HACL1: variants seen among roughly 807,000 people sequenced by gnomAD.
HACL1 encodes 2-hydroxyacyl-CoA lyase 1.
A neutral mutation model predicts 74.2 loss-of-function variants in HACL1; 64 were observed. The ratio of observed to expected loss-of-function variants is 0.86; its 90% confidence interval spans 0.70 to 1.06. The LOEUF (loss-of-function observed/expected upper bound fraction) is 1.06, where lower values mean the gene tolerates loss of function less well. Among genes scored for constraint, HACL1 ranks in the 50% least tolerant of loss-of-function variants. HACL1 has a pLI of 0.00. For synonymous variants in HACL1, 230 were observed against 238.8 expected (o/e 0.96, Z 0.34); for missense variants, 728 against 719.7 (o/e 1.01, Z -0.13).
chr3:15,594,763 T>A (rs1434320686), intron 3 of HACL1, among the ~76,000 whole-genome samples: 1 of 152,244 alleles, frequency 6.6e-6, no homozygotes, highest in African/African-American at 2.4e-5. Context: ...TGTAAACAAG[T>A]CATACGGCTC....
At chr3:15,569,716 A>T (rs796711359) in intron 12 of HACL1, among the ~76,000 whole-genome samples, 1 of 151,978 alleles carries the variant, frequency 6.6e-6, no homozygotes, top group East Asian at 1.9e-4. Context: ...GCTACTCGGG[A>T]TGCTGAGGCA....
intron 10 of HACL1, 48 bp from the exon 11 acceptor site, chr3:15,573,290 A>C: frequency 9.2e-7 from 1 of 1,086,252 alleles, no homozygotes; most frequent in South Asian, 1.3e-5. Context: ...ATTCTGAAAA[A>C]TATGTAAGAA....
Position 15,601,351 on chromosome 3 carries a change from G to A in HACL1, c.81+32C>T, listed in dbSNP as rs771724846. The A allele has an allele frequency of 6.2e-6, 10 of 1,613,148 alleles. No individual in the cohort carries two copies. The East Asian group carries it at 2.2e-4, about 36-fold the overall frequency. On this transcript the variant is annotated intron_variant, in intron 1 of 16. Transcript: ENST00000321169. ...ATCGCGGTCCCCGCCAGCTTCCGTA[G>A]GAGCCTTTCATTCCAGGAAGGTCCA...
At chr3:15,591,509 C>G in intron 4 of HACL1, 91 bp downstream of exon 4, 3 of 647,070 alleles carry the variant, frequency 4.6e-6, no homozygotes, top group Admixed American at 3.1e-5. Context: ...TTTTCCAAGT[C>G]TTTCTACCCT....
At position 15,582,925 on chromosome 3, in the gene HACL1, C is replaced by G. The variant is rs1008571502; in HGVS notation, c.619G>C (p.Ala207Pro). Residue 207 changes from alanine (A) to proline (P), a missense_variant, in exon 8 of 17, where the codon GCT becomes CCT. Ala to Pro is a conservative substitution (Grantham distance 27). Coordinates refer to ENST00000321169, the MANE Select transcript of HACL1 (RefSeq NM_012260.4). ...TGTTTGGCATTCCTAATAACAGAAG[C>G]CGCCGTGCACACAGCAGAGGTTTCT... ...MAETSAVCTA[A>P]SVIRNAKQPL... 1.2e-6 allele frequency: 2 copies of G among 1,611,508 alleles called. No individual in the cohort carries two copies. Among genetic ancestry groups the G allele is most frequent in the Admixed American group, 3.3e-5 (2 of 59,914 alleles).
intron 5 of HACL1, among the ~76,000 whole-genome samples, chr3:15,587,476 T>C (rs964340971): frequency 2.8e-5 from 4 of 145,160 alleles, no homozygotes; most frequent in Admixed American, 6.9e-5. Context: ...TCAGTCTATG[T>C]TCATGCCCTT....
intron 16 of HACL1, among the ~76,000 whole-genome samples, chr3:15,562,081 A>G (rs1447704293): frequency 6.6e-6 from 1 of 152,218 alleles, no homozygotes; most frequent in African/African-American, 2.4e-5. Flanking sequence ...CATCCCAGTC[A>G]CTGGAAAGTA....
intron 5 of HACL1, among the ~76,000 whole-genome samples, chr3:15,587,200 C>A (rs542218656): frequency 6.8e-6 from 1 of 146,330 alleles, no homozygotes; most frequent in Non-Finnish European, 1.5e-5. Context: ...ACAGGCATGA[C>A]AAAATTAAGA....
chr3:15,590,477 T>C (rs1029689917), intron 4 of HACL1, among the ~76,000 whole-genome samples: 1 of 152,142 alleles, frequency 6.6e-6, no homozygotes, highest in African/African-American at 2.4e-5. Context: ...TCCTTTCCAC[T>C]AGAAAGATTA....
At chr3:15,599,486 T>C (rs767241628) in intron 2 of HACL1, among the ~76,000 whole-genome samples, 3 of 152,020 alleles carry the variant, frequency 2.0e-5, no homozygotes, top group Non-Finnish European at 2.9e-5. Context: ...AGAAAAACCT[T>C]TAGTCTCCCC....
chr3:15,592,521 CAT>C (rs2063955414), intron 3 of HACL1, among the ~76,000 whole-genome samples: 2 of 147,428 alleles, frequency 1.4e-5, no homozygotes, highest in African/African-American at 5.3e-5. Flanking sequence ...CACTTGTATA[CAT>C]ATACACATGT....
At position 15,573,226 on chromosome 3, in the gene HACL1, T is replaced by C; in HGVS notation, c.926A>G (p.Glu309Gly). The stretch of plus-strand genomic sequence containing the variant: ...GGGCTTTACATTATTCCCCAATTCT[T>C]CTGCACAGATATCAACCTAAAAAAG... ...VKFIQVDICA[E>G]ELGNNVKPAV... The change falls in exon 11 of 17, where the codon GAA (glutamate) becomes GGA (glycine). Residue 309 changes from glutamate to glycine, a missense_variant. Physicochemically the swap from Glu to Gly is moderately conservative, Grantham distance 98. Coordinates refer to ENST00000321169, the MANE Select transcript of HACL1 (RefSeq NM_012260.4). 6.2e-7 allele frequency: 1 copy of C among 1,604,382 alleles called. No individual in the cohort carries two copies. The highest frequency in any genetic ancestry group is 8.5e-7 in the Non-Finnish European group (1 of 1,171,330).
intron 16 of HACL1, among the ~76,000 whole-genome samples, chr3:15,562,377 G>C (rs1017887886): frequency 6.6e-6 from 1 of 152,096 alleles, no homozygotes; most frequent in African/African-American, 2.4e-5. Flanking sequence ...TCCTCTCTCT[G>C]CTAGGAAGTA....
intron 14 of HACL1, 122 bp downstream of exon 14, chr3:15,567,722 C>A: frequency 1.2e-6 from 1 of 867,356 alleles, no homozygotes; most frequent in Non-Finnish European, 1.9e-6. Flanking sequence ...CAGGACAGAA[C>A]ACAGTGCTGT....
chr3:15,567,836 T>A lies in HACL1; in HGVS notation c.1409+8A>T. The A allele has an allele frequency of 1.9e-6, 3 of 1,610,896 alleles. No individual in the cohort carries two copies. Among genetic ancestry groups the A allele is most frequent in the Non-Finnish European group, 1.7e-6 (2 of 1,176,984 alleles). ...AATCAAATGCTCTGATTCAGGATGA[T>A]GTTTTACCTGCAGATGGTTTCTACC... is the stretch of plus-strand genomic sequence containing the variant. On this transcript the variant is annotated splice_region_variant and intron_variant, in intron 14 of 16. Coordinates refer to ENST00000321169, the MANE Select transcript of HACL1 (RefSeq NM_012260.4).
At chr3:15,569,426 C>T (rs2063486015) in intron 12 of HACL1, among the ~76,000 whole-genome samples, 1 of 152,216 alleles carries the variant, frequency 6.6e-6, no homozygotes, top group African/African-American at 2.4e-5. Flanking sequence ...TAGCTCACGC[C>T]TGTAATCCCA....
At chr3:15,594,912 G>C (rs891538256) in intron 3 of HACL1, among the ~76,000 whole-genome samples, 49 of 152,254 alleles carry the variant, frequency 3.2e-4, no homozygotes, top group African/African-American at 1.2e-3. Context: ...AGCAGATCAT[G>C]AGGTCAAGAG....
chr3:15,599,469 C>T (rs1470212985), intron 2 of HACL1, among the ~76,000 whole-genome samples: 1 of 151,976 alleles, frequency 6.6e-6, no homozygotes, highest in East Asian at 1.9e-4. Context: ...ACATCGCCCA[C>T]CTGTTTAGAA....
chr3:15,568,280 A>G (rs2063469127), intron 13 of HACL1, 152 bp downstream of exon 13: 7 of 618,732 alleles, frequency 1.1e-5, no homozygotes, highest in East Asian at 2.7e-5. Context: ...TAAAAACTCT[A>G]CAAAACCTCA....
Sources: gnomAD v4.1 joint callset for allele counts (sites outside exome capture counted in the v4.1 genomes callset) on GRCh38, gnomAD v4.1.1 for gene constraint, MANE v1.5 for transcripts, NCBI Gene and HGNC (gene_info 2026-07-23, HGNC 2026-07-21) for gene names.